The following SFMBT1 variants were observed in gnomAD, a reference collection of about 807,000 sequenced individuals.
SFMBT1 encodes the protein scm-like with four MBT domains protein 1.
Under a neutral mutation model 108.7 loss-of-function variants are expected in SFMBT1, and 32 were observed. The ratio of observed to expected loss-of-function variants is 0.29; its 90% CI spans 0.22 to 0.40. The LOEUF (loss-of-function observed/expected upper bound fraction) is 0.40, where lower values mean the gene tolerates loss of function less well. SFMBT1 is among the 10% of genes least tolerant of loss of function. The pLI, the probability that SFMBT1 is intolerant of heterozygous loss-of-function variation, is 1.00. For missense variants in SFMBT1, 816 were observed against 1,059.6 expected, an observed-to-expected ratio of 0.77 and a Z score of 3.19; for synonymous variants, 348 against 369.5, an observed-to-expected ratio of 0.94 and a Z score of 0.67.
In SFMBT1 at chr3:52,997,048, G is replaced by A. The variant is rs1047999971; in HGVS notation, c.-130-27790C>T. Among the ~76,000 whole-genome samples the A allele has an allele frequency of 5.4e-5, 8 of 148,742 alleles. 1 individual carries two copies. The highest frequency in any genetic ancestry group is 7.5e-5 in the Non-Finnish European group (5 of 66,520). On this transcript the variant is annotated intron_variant, in intron 1 of 20. Transcript: ENST00000394752. ...CGCACCACTGCACTCCAGCCTGGGCGACTGAGCGAGACTCAGTCTCAAAAA... is the reference window on the plus strand; with the variant it reads ...CGCACCACTGCACTCCAGCCTGGGCAACTGAGCGAGACTCAGTCTCAAAAA...
intron 9 of SFMBT1, among the ~76,000 whole-genome samples, chr3:52,926,873 G>A (rs972543745): frequency 6.6e-6 from 1 of 152,046 alleles, no homozygotes; most frequent in African/African-American, 2.4e-5. Flanking sequence ...TCAAGTCTAT[G>A]CCCTCTGACA....
chr3:53,021,014 C>T (rs1031057816), intron 1 of SFMBT1, among the ~76,000 whole-genome samples: 8 of 152,114 alleles, frequency 5.3e-5, no homozygotes, highest in Non-Finnish European at 7.4e-5. Context: ...GCTGAGATCG[C>T]GCCACTGCAC....
intron 1 of SFMBT1, among the ~76,000 whole-genome samples, chr3:52,975,601 A>AT (rs1559533609): frequency 1.3e-5 from 2 of 151,984 alleles, no homozygotes; most frequent in Non-Finnish European, 2.9e-5. Flanking sequence ...GAAGCTGAGA[A>AT]TTTTTTTGTT....
At chr3:52,983,451 A>C (rs939816109) in intron 1 of SFMBT1, among the ~76,000 whole-genome samples, 6 of 152,226 alleles carry the variant, frequency 3.9e-5, no homozygotes, top group African/African-American at 1.4e-4. Context: ...AGTTATATGC[A>C]AATCTTCAAC....
Position 52,949,568 on chromosome 3 carries a change from C to CTTTTTTTTTTTTTTTTT in SFMBT1, c.123+4732_123+4748dup, listed in dbSNP as rs59842273. On this transcript the variant is annotated intron_variant, in intron 3 of 20. Transcript: ENST00000394752. Reference sequence around the variant, plus strand: ...CCCTTTATTATTATGTAATGTCCTTCTTTTTTTTTTTTTTTTTTTTTTTTT... The same window carrying CTTTTTTTTTTTTTTTTT: ...CCCTTTATTATTATGTAATGTCCTTCTTTTTTTTTTTTTTTTTTTTTTTTTTTTTTTTTTTTTTTTTT... Among the ~76,000 whole-genome samples, 48 of 77,412 alleles carry CTTTTTTTTTTTTTTTTT rather than the reference C, an allele frequency of 6.2e-4. 5 individuals are homozygous for CTTTTTTTTTTTTTTTTT. The highest frequency in any genetic ancestry group is 2.4e-3 in the African/African-American group (43 of 17,554). 50.8% of individuals were successfully genotyped at this position (77,412 alleles called of 152,430 possible). A position where few individuals can be genotyped will look rare whatever the true frequency, so the allele number is the denominator to read the frequency against.
At chr3:52,949,073 C>T (rs980611817) in intron 3 of SFMBT1, among the ~76,000 whole-genome samples, 6 of 151,820 alleles carry the variant, frequency 4.0e-5, no homozygotes, top group African/African-American at 1.5e-4. Flanking sequence ...TTCTTTTATC[C>T]GTGTTATTCA....
At chr3:53,024,166 T>C (rs540194411) in intron 1 of SFMBT1, among the ~76,000 whole-genome samples, 2 of 151,900 alleles carry the variant, frequency 1.3e-5, no homozygotes, top group African/African-American at 2.4e-5. Context: ...TGGAGAAGGG[T>C]TGAAATTTTA....
At chr3:52,909,015 T>A (rs919031584) in intron 17 of SFMBT1, among the ~76,000 whole-genome samples, 2 of 152,234 alleles carry the variant, frequency 1.3e-5, no homozygotes, top group Non-Finnish European at 2.9e-5. Flanking sequence ...TTTTAGAATA[T>A]ACATTCCAGA....
At chr3:52,972,361 T>C (rs983021183) in intron 1 of SFMBT1, among the ~76,000 whole-genome samples, 4 of 152,210 alleles carry the variant, frequency 2.6e-5, no homozygotes, top group East Asian at 1.9e-4. Context: ...ATCATCTTAA[T>C]AGGATCACAA....
At chr3:52,948,825 A>ATTTTTATTTTTTTTTT (rs1703468774) in intron 3 of SFMBT1, among the ~76,000 whole-genome samples, 1 of 78,282 alleles carries the variant, frequency 1.3e-5, no homozygotes, top group African/African-American at 4.9e-5. Context: ...CTAATTTTTA[A>ATTTTTATTTTTTTTTT]TTTTTTTTTT....
At chr3:52,932,756 C>T (rs553370619) in intron 5 of SFMBT1, among the ~76,000 whole-genome samples, 192 of 152,088 alleles carry the variant, frequency 1.3e-3, no homozygotes, top group Non-Finnish European at 1.8e-3. Flanking sequence ...ACTAAAAATA[C>T]AAAAATTAGT....
intron 1 of SFMBT1, chr3:53,045,331 C>A (rs1274140338): frequency 6.9e-6 from 1 of 144,732 alleles, no homozygotes; most frequent in African/African-American, 2.5e-5. Flanking sequence ...CCGGAGCGAG[C>A]CCGGGGGGCG....
At chr3:52,972,744 A>AACACACAC (rs55859723) in intron 1 of SFMBT1, among the ~76,000 whole-genome samples, 2,997 of 95,102 alleles carry the variant, frequency 0.032, 105 homozygotes, top group African/African-American at 0.041. Context: ...ATCTCTACTA[A>AACACACAC]ACACACACAC....
intron 2 of SFMBT1, among the ~76,000 whole-genome samples, chr3:52,958,073 A>G (rs1703837504): frequency 1.3e-5 from 2 of 152,162 alleles, no homozygotes. Context: ...TGACAAAGGT[A>G]TAATACCCAG....
intron 1 of SFMBT1, among the ~76,000 whole-genome samples, chr3:52,984,284 A>G (rs1267129510): frequency 6.6e-6 from 1 of 152,252 alleles, no homozygotes; most frequent in African/African-American, 2.4e-5. Flanking sequence ...TTCAATCAAC[A>G]AAAGTATAAT....
intron 1 of SFMBT1, among the ~76,000 whole-genome samples, chr3:53,017,824 TTCTC>T (rs1699176834): frequency 6.6e-6 from 1 of 152,240 alleles, no homozygotes; most frequent in Non-Finnish European, 1.5e-5. Flanking sequence ...ACTCTTTTCC[TTCTC>T]TATTTAAAAA....
chr3:52,937,592 T>C (rs1703053504), intron 4 of SFMBT1, among the ~76,000 whole-genome samples: 7 of 152,124 alleles, frequency 4.6e-5, no homozygotes, highest in Admixed American at 3.3e-4. Context: ...TTCATTCTTT[T>C]TTTTTTTTGA....
At position 53,032,046 on chromosome 3, in the gene SFMBT1, A is replaced by G. The variant is rs185688849; in HGVS notation, c.-131+13770T>C. 7.2e-5 allele frequency among the ~76,000 whole-genome samples: 11 copies of G among 152,328 alleles called. 1 individual carries two copies. The highest frequency in any genetic ancestry group is 1.4e-4 in the African/African-American group (6 of 41,576). On this transcript the variant is annotated intron_variant, in intron 1 of 20. Transcript: ENST00000394752. ...AAGGCTTTGCTGAGCTGAACCCTCC[A>G]TGATCAAAAGGAACTAAATGTAACA...
intron 1 of SFMBT1, among the ~76,000 whole-genome samples, chr3:52,974,933 G>T (rs1045595306): frequency 6.6e-6 from 1 of 151,040 alleles, no homozygotes; most frequent in African/African-American, 2.4e-5. Flanking sequence ...CTTGAACCCA[G>T]GGCAAAGGTT....
Sources: gnomAD v4.1 joint callset for allele counts (sites outside exome capture counted in the v4.1 genomes callset) on GRCh38, gnomAD v4.1.1 for gene constraint, MANE v1.5 for transcripts, NCBI Gene and HGNC (gene_info 2026-07-23, HGNC 2026-07-21) for gene names.